The following CTRL variants were observed in gnomAD, a reference collection of about 807,000 sequenced individuals.
CTRL encodes chymotrypsin like.
A neutral mutation model predicts 35.5 loss-of-function variants in CTRL; 38 were observed. The observed-to-expected ratio is 1.07, with a 90% CI of 0.83 to 1.40. The LOEUF is 1.40. Among genes scored for constraint, CTRL ranks in the 40% most tolerant of loss-of-function variants. CTRL has a pLI of 0.00. For missense variants in CTRL, 327 were observed against 342.9 expected, an observed-to-expected ratio of 0.95 and a Z score of 0.37; for synonymous variants, 155 against 141.1, an observed-to-expected ratio of 1.10 and a Z score of -0.70.
Position 67,930,021 on chromosome 16 carries a change from G to T in CTRL, c.708C>A (p.Thr236=). Residue 236 remains threonine (T), a synonymous_variant, in exon 7 of 7, where the codon ACC becomes ACA. Coordinates refer to ENST00000574481, the MANE Select transcript of CTRL (RefSeq NM_001907.3). The surrounding 1 kb of genome is among the most constrained non-coding windows in gnomAD (Gnocchi z 4.3). The part of the protein sequence containing the change: ...WVLIGIVSWG[T]KNCNVRAPAV... The stretch of plus-strand genomic sequence containing the variant: ...CAGGTGCGCGCACATTGCAGTTTTT[G>T]GTGCCCCAGGAGACAATACCAATAA... The T allele has an allele frequency of 6.2e-7, 1 of 1,614,140 alleles. No homozygotes were observed. Among genetic ancestry groups the T allele is most frequent in the South Asian group, 1.1e-5 (1 of 91,088 alleles).
rs2058230635 is a variant in CTRL, at chr16:67,929,591, T to C, written c.*343A>G. The stretch of plus-strand genomic sequence containing the variant: ...CCTGTGGATGGAGAATGTGCAGTTA[T>C]TTATTATGCGTATTCAGTTTGTAAA... On this transcript the variant is annotated 3_prime_UTR_variant, in exon 7 of 7. Coordinates refer to ENST00000574481, the MANE Select transcript of CTRL (RefSeq NM_001907.3). The C allele has an allele frequency of 7.9e-6, 2 of 254,344 alleles. No homozygotes were observed. Among genetic ancestry groups the C allele is most frequent in the South Asian group, 6.6e-5 (1 of 15,148 alleles). The allele number at this position is 254,344 out of a possible 1,614,324, so 15.8% of individuals were successfully genotyped here.
At chr16:67,931,630 C>G (rs981910495) in intron 1 of CTRL, 171 bp downstream of exon 1, 20 of 751,084 alleles carry the variant, frequency 2.7e-5, no homozygotes, top group African/African-American at 1.2e-4. Context: ...CCTCTTGCCC[C>G]CTCCCAGCCC....
In CTRL at chr16:67,931,111, TGCCAGGGCC is replaced by T. The variant is rs1267607757; in HGVS notation, c.134_142del (p.Trp45_Gln48delinsTer). The T allele has an allele frequency of 1.2e-6, 2 of 1,613,934 alleles. No homozygotes were observed. The highest frequency in any genetic ancestry group is 2.7e-5 in the African/African-American group (2 of 74,926). On this transcript the variant is annotated stop_gained and inframe_deletion, in exon 2 of 7. Transcript: ENST00000574481. LOFTEE classifies it high-confidence loss of function. The stretch of plus-strand genomic sequence containing the variant: ...CTGGTGGTGTACCTGCAGGGACACC[TGCCAGGGCC>T]AGGAGCCCAACACTGCATTCTCCCC...
At chr16:67,931,308 G>T in intron 1 of CTRL, 107 bp from the exon 2 acceptor site, 1 of 1,055,600 alleles carries the variant, frequency 9.5e-7, no homozygotes, top group Non-Finnish European at 1.4e-6. Flanking sequence ...TGTCGAGAGG[G>T]TACAGCACTA....
At chr16:67,931,639 C>T (rs2151317155) in intron 1 of CTRL, 162 bp downstream of exon 1, 2 of 800,862 alleles carry the variant, frequency 2.5e-6, no homozygotes, top group East Asian at 5.4e-5. Context: ...CCCTCCCAGC[C>T]CTGCAGGCCT....
intron 2 of CTRL, 36 bp downstream of exon 2, chr16:67,931,062 G>A (rs373097336): frequency 3.7e-6 from 6 of 1,613,268 alleles, no homozygotes; most frequent in Admixed American, 1.7e-5. Context: ...TAGGCATGAC[G>A]TACCCAGGAC....
At position 67,930,850 on chromosome 16, in the gene CTRL, G is replaced by GA; in HGVS notation, c.237-44dup. 6.2e-7 allele frequency: 1 copy of GA among 1,613,098 alleles called. No homozygotes were observed. ...TAGGCAGCTGCAGGGAGGCCAGCGCGAGAGGGGGACAGCCAGGGGAGGAGG... is the reference window on the plus strand; with the variant it reads ...TAGGCAGCTGCAGGGAGGCCAGCGCGAAGAGGGGGACAGCCAGGGGAGGAGG... On this transcript the variant is annotated intron_variant, in intron 3 of 6. Transcript: ENST00000574481. The surrounding 1 kb of genome is among the most constrained non-coding windows in gnomAD (Gnocchi z 4.3).
chr16:67,930,650 C>T lies in CTRL; in HGVS notation c.319-62G>A, dbSNP rs2058236591. 1 of 1,607,224 alleles carries T rather than the reference C, an allele frequency of 6.2e-7. No individual in the cohort carries two copies. On this transcript the variant is annotated intron_variant, in intron 4 of 6. Coordinates refer to ENST00000574481, the MANE Select transcript of CTRL (RefSeq NM_001907.3). This position sits in a 1 kb window ranked among gnomAD's most constrained non-coding sequence, Gnocchi z 4.3. Reference sequence around the variant, plus strand: ...CTGAGCAGGGTAGGCCAGGGCATGTCCTGAATTCCTCGTTCCCAGCACCCA... The same window carrying T: ...CTGAGCAGGGTAGGCCAGGGCATGTTCTGAATTCCTCGTTCCCAGCACCCA...
Position 67,929,911 on chromosome 16 carries a change from G to A in CTRL, c.*23C>T, listed in dbSNP as rs749276246. ...AGGGCCTGGGTCTTTAATGGGTTGAGCTGGGGAGGGCCTGTGGTGAGCTCA... is the reference window on the plus strand; with the variant it reads ...AGGGCCTGGGTCTTTAATGGGTTGAACTGGGGAGGGCCTGTGGTGAGCTCA... On this transcript the variant is annotated 3_prime_UTR_variant, in exon 7 of 7. Coordinates refer to ENST00000574481, the MANE Select transcript of CTRL (RefSeq NM_001907.3). The A allele has an allele frequency of 1.2e-6, 2 of 1,610,008 alleles. No homozygotes were observed. The highest frequency in any genetic ancestry group is 2.2e-5 in the East Asian group (1 of 44,768).
At position 67,930,795 on chromosome 16, in the gene CTRL, A is replaced by G; in HGVS notation, c.249T>C (p.His83=). The part of the protein sequence containing the change: ...AAHCNVSPGR[H]FVVLGEYDRS... ...GGTCATACTCGCCCAGGACAACAAA[A>G]TGGCGGCCAGGGCTGCAAGGGGGTG... is the stretch of plus-strand genomic sequence containing the variant. Residue 83 remains histidine, a synonymous_variant, in exon 4 of 7, where the codon CAT becomes CAC. Transcript: ENST00000574481. The surrounding 1 kb of genome is among the most constrained non-coding windows in gnomAD (Gnocchi z 4.3). 1.2e-6 allele frequency: 2 copies of G among 1,614,000 alleles called. No individual in the cohort carries two copies. The highest frequency in any genetic ancestry group is 2.7e-5 in the African/African-American group (2 of 74,988).
chr16:67,930,648 G>A lies in CTRL; in HGVS notation c.319-60C>T. ...TGCTGAGCAGGGTAGGCCAGGGCAT[G>A]TCCTGAATTCCTCGTTCCCAGCACC... On this transcript the variant is annotated intron_variant, in intron 4 of 6. Transcript: ENST00000574481. This position sits in a 1 kb window ranked among gnomAD's most constrained non-coding sequence, Gnocchi z 4.3. 14 of 1,606,972 alleles carry A rather than the reference G, an allele frequency of 8.7e-6. No homozygotes were observed. Among genetic ancestry groups the A allele is most frequent in the Non-Finnish European group, 1.1e-5 (13 of 1,173,908 alleles).
Position 67,930,110 on chromosome 16 carries a change from G to A in CTRL, c.634-15C>T. 1 of 1,613,952 alleles carries A rather than the reference G, an allele frequency of 6.2e-7. No homozygotes were observed. The highest frequency in any genetic ancestry group is 8.5e-7 in the Non-Finnish European group (1 of 1,179,830). ...CCGGAGTCACCCTGAGAGGGAAGAG[G>A]GAGGGAGAATTGAGTAGGGGGGGTT... On this transcript the variant is annotated splice_polypyrimidine_tract_variant and intron_variant, in intron 6 of 6. Transcript: ENST00000574481. The surrounding 1 kb of genome is among the most constrained non-coding windows in gnomAD (Gnocchi z 4.3).
rs1195538805 is a variant in CTRL at position 67,930,854 on chromosome 16, G to T, written c.237-47C>A. 25 of 1,613,062 alleles carry T rather than the reference G, an allele frequency of 1.5e-5. 1 individual carries two copies. Among genetic ancestry groups the T allele is most frequent in the South Asian group, 1.3e-4 (12 of 91,080 alleles). ...CAGCTGCAGGGAGGCCAGCGCGAGAGGGGGACAGCCAGGGGAGGAGGCAGG... is the reference window on the plus strand; with the variant it reads ...CAGCTGCAGGGAGGCCAGCGCGAGATGGGGACAGCCAGGGGAGGAGGCAGG... On this transcript the variant is annotated intron_variant, in intron 3 of 6. Coordinates refer to ENST00000574481, the MANE Select transcript of CTRL (RefSeq NM_001907.3). The surrounding 1 kb of genome is among the most constrained non-coding windows in gnomAD (Gnocchi z 4.3).
chr16:67,930,512 T>TG lies in CTRL; in HGVS notation c.394dup (p.Gln132ProfsTer20). 1 of 1,614,156 alleles carries TG rather than the reference T, an allele frequency of 6.2e-7. No homozygotes were observed. The highest frequency in any genetic ancestry group is 1.7e-5 in the Admixed American group (1 of 60,020). ...AACTGGCGAGATGCGTGTTGTGTAC[T>TG]GGGCTGGCGAGGCGAGCTTCAGCAG... On this transcript the variant is annotated frameshift_variant, in exon 5 of 7. Coordinates refer to ENST00000574481, the MANE Select transcript of CTRL (RefSeq NM_001907.3). LOFTEE classifies it high-confidence loss of function. The surrounding 1 kb of genome is among the most constrained non-coding windows in gnomAD (Gnocchi z 4.3).
Position 67,931,011 on chromosome 16 carries a change from G to T in CTRL, c.157-12C>A. 1 of 1,613,908 alleles carries T rather than the reference G, an allele frequency of 6.2e-7. No individual in the cohort carries two copies. The highest frequency in any genetic ancestry group is 8.5e-7 in the Non-Finnish European group (1 of 1,179,992). On this transcript the variant is annotated splice_polypyrimidine_tract_variant and intron_variant, in intron 2 of 6. Coordinates refer to ENST00000574481, the MANE Select transcript of CTRL (RefSeq NM_001907.3). Reference sequence around the variant, plus strand: ...AAGCCGCTGCTGTCCTGTGGTCAGGGCTCAGAGGTCAGAGTGGGGGTGGGC... The same window carrying T: ...AAGCCGCTGCTGTCCTGTGGTCAGGTCTCAGAGGTCAGAGTGGGGGTGGGC...
At position 67,930,828 on chromosome 16, in the gene CTRL, G is replaced by A. The variant is rs1405606017; in HGVS notation, c.237-21C>T. Reference sequence around the variant, plus strand: ...CAGGGCTGCAAGGGGGTGGGATTAGGCAGCTGCAGGGAGGCCAGCGCGAGA... The same window carrying A: ...CAGGGCTGCAAGGGGGTGGGATTAGACAGCTGCAGGGAGGCCAGCGCGAGA... On this transcript the variant is annotated intron_variant, in intron 3 of 6. Transcript: ENST00000574481. The surrounding 1 kb of genome is among the most constrained non-coding windows in gnomAD (Gnocchi z 4.3). The A allele has an allele frequency of 6.2e-7, 1 of 1,613,742 alleles. No homozygotes were observed. The highest frequency in any genetic ancestry group is 1.3e-5 in the African/African-American group (1 of 74,890).
Position 67,930,729 on chromosome 16 carries a change from A to G in CTRL, c.315T>C (p.Ser105=). ...TGTCTGCAGCCCAGGCACTCACCCG[A>G]GAGACGGACAGAACCTGCAAGGGCT... The part of the protein sequence containing the change: ...NAEPLQVLSV[S]RAITHPSWNS... Residue 105 remains serine (S), a synonymous_variant, in exon 4 of 7, where the codon TCT becomes TCC. Coordinates refer to ENST00000574481, the MANE Select transcript of CTRL (RefSeq NM_001907.3). This position sits in a 1 kb window ranked among gnomAD's most constrained non-coding sequence, Gnocchi z 4.3. The G allele has an allele frequency of 6.2e-7, 1 of 1,614,008 alleles. No homozygotes were observed. Among genetic ancestry groups the G allele is most frequent in the Non-Finnish European group, 8.5e-7 (1 of 1,179,926 alleles).
In CTRL at chr16:67,930,268, C is replaced by T. The variant is rs1022132991; in HGVS notation, c.550G>A (p.Val184Met). The change falls in exon 6 of 7, where the codon GTG becomes ATG. Residue 184 changes from valine (V) to methionine (M), a missense_variant. By Grantham distance (21) the Val-to-Met change is conservative. Transcript: ENST00000574481. The surrounding 1 kb of genome is among the most constrained non-coding windows in gnomAD (Gnocchi z 4.3). ...LQQVALPLVT[V>M]NQCRQYWGSS... ...CCCCAGTACTGCCGGCACTGATTCA[C>T]AGTGACCAGGGGCAAAGCCACCTGC... The T allele has an allele frequency of 6.2e-7, 1 of 1,614,042 alleles. No homozygotes were observed. The highest frequency in any genetic ancestry group is 8.5e-7 in the Non-Finnish European group (1 of 1,179,972).
chr16:67,930,581 G>T lies in CTRL; in HGVS notation c.326C>A (p.Thr109Lys), dbSNP rs200353482. ...LQVLSVSRAI[T>K]HPSWNSTTMN... ...GGTGGTAGAGTTCCAGCTAGGGTGT[G>T]TAATGGCCTGTGGGGTCAGAAACAG... is the stretch of plus-strand genomic sequence containing the variant. Residue 109 changes from threonine to lysine, a missense_variant, in exon 5 of 7, where the codon ACA becomes AAA. Thr to Lys is a moderately conservative substitution (Grantham distance 78, BLOSUM62 -1). Coordinates refer to ENST00000574481, the MANE Select transcript of CTRL (RefSeq NM_001907.3). The surrounding 1 kb of genome is among the most constrained non-coding windows in gnomAD (Gnocchi z 4.3). 1 of 1,614,026 alleles carries T rather than the reference G, an allele frequency of 6.2e-7. No homozygotes were observed. The highest frequency in any genetic ancestry group is 8.5e-7 in the Non-Finnish European group (1 of 1,179,894).
Sources: gnomAD v4.1 joint callset for allele counts on GRCh38, gnomAD v4.1.1 for gene constraint, Gnocchi (gnomAD v3.1) non-coding constraint, MANE v1.5 for transcripts, NCBI Gene and HGNC (gene_info 2026-07-23, HGNC 2026-07-21) for gene names.